ROBO1: variants seen among roughly 807,000 people sequenced by gnomAD.
ROBO1 encodes the protein roundabout guidance receptor 1, also known as roundabout homolog 1.
A neutral mutation model predicts 195.9 loss-of-function variants in ROBO1; 149 were observed. The observed-to-expected ratio is 0.76, with a 90% CI of 0.67 to 0.87. The LOEUF is 0.87. ROBO1 is among the 40% of genes least tolerant of loss of function. The pLI is 0.00. For synonymous variants in ROBO1, 816 were observed against 733.2 expected (o/e 1.11, Z -1.82); for missense variants, 1,933 against 2,068.3 (o/e 0.93, Z 1.27).
intron 2 of ROBO1, among the ~76,000 whole-genome samples, chr3:79,583,399 T>A (rs1943720414): frequency 6.6e-6 from 1 of 151,946 alleles, no homozygotes; most frequent in African/African-American, 2.4e-5. Context: ...TATCTACAAA[T>A]TATGATTTTT....
chr3:79,138,842 A>C, intron 2 of ROBO1, among the ~76,000 whole-genome samples: 1 of 152,046 alleles, frequency 6.6e-6, no homozygotes, highest in Middle Eastern at 3.4e-3. Context: ...AGACATAAAT[A>C]TAAGTATAGA....
chr3:79,416,362 T>G (rs565786150), intron 2 of ROBO1, among the ~76,000 whole-genome samples: 2 of 151,658 alleles, frequency 1.3e-5, no homozygotes, highest in South Asian at 4.2e-4. Flanking sequence ...TCCTGGCACT[T>G]TGAGGCTGAG....
intron 19 of ROBO1, among the ~76,000 whole-genome samples, chr3:78,649,665 C>CT (rs1706527208): frequency 6.6e-6 from 1 of 151,876 alleles, no homozygotes; most frequent in Non-Finnish European, 1.5e-5. Flanking sequence ...TAAAAATTGC[C>CT]TAGAAACAAA....
At chr3:79,726,725 G>A (rs949970879) in intron 1 of ROBO1, among the ~76,000 whole-genome samples, 1 of 152,076 alleles carries the variant, frequency 6.6e-6, no homozygotes, top group Non-Finnish European at 1.5e-5. Context: ...AAATACATTT[G>A]TACCTATATT....
intron 3 of ROBO1, among the ~76,000 whole-genome samples, chr3:79,026,625 T>C (rs1388156643): frequency 2.0e-5 from 3 of 152,054 alleles, no homozygotes; most frequent in Non-Finnish European, 4.4e-5. Context: ...TGAAGGATAT[T>C]GGGAAACATA....
At chr3:79,624,005 G>A (rs2107991360) in intron 1 of ROBO1, among the ~76,000 whole-genome samples, 1 of 152,258 alleles carries the variant, frequency 6.6e-6, no homozygotes, top group African/African-American at 2.4e-5. Flanking sequence ...AGTCTCAATG[G>A]AAATTCTACA....
chr3:79,199,381 A>AT (rs2108774972), intron 2 of ROBO1, among the ~76,000 whole-genome samples: 1 of 151,926 alleles, frequency 6.6e-6, no homozygotes, highest in African/African-American at 2.4e-5. Context: ...ACCATCTGTA[A>AT]TTTTTAATCA....
chr3:79,153,971 G>A (rs1266010728), intron 2 of ROBO1, among the ~76,000 whole-genome samples: 4 of 151,446 alleles, frequency 2.6e-5, no homozygotes, highest in Middle Eastern at 3.2e-3. Flanking sequence ...TGAGGCTGTC[G>A]CTAAATACCC....
At chr3:79,704,126 A>T (rs1947698470) in intron 1 of ROBO1, among the ~76,000 whole-genome samples, 1 of 151,958 alleles carries the variant, frequency 6.6e-6, no homozygotes, top group African/African-American at 2.4e-5. Context: ...GATATCTCCT[A>T]TACCCACTGT....
At chr3:79,043,525 A>G (rs939627256) in intron 3 of ROBO1, among the ~76,000 whole-genome samples, 1 of 152,078 alleles carries the variant, frequency 6.6e-6, no homozygotes, top group Admixed American at 6.6e-5. Flanking sequence ...GGACTACTAG[A>G]TATATAGAAT....
intron 3 of ROBO1, among the ~76,000 whole-genome samples, chr3:78,972,121 A>C (rs148896296): frequency 6.6e-6 from 1 of 152,208 alleles, no homozygotes; most frequent in African/African-American, 2.4e-5. Context: ...ATAAATAGTC[A>C]TAACAAGGAA....
At chr3:79,347,806 A>G (rs2035182281) in intron 2 of ROBO1, among the ~76,000 whole-genome samples, 1 of 152,192 alleles carries the variant, frequency 6.6e-6, no homozygotes, top group Non-Finnish European at 1.5e-5. Flanking sequence ...TTAAAAGAAG[A>G]AAAATAGCTT....
chr3:78,636,774 T>C (rs1328283864), intron 22 of ROBO1, among the ~76,000 whole-genome samples: 1 of 151,260 alleles, frequency 6.6e-6, no homozygotes, highest in Non-Finnish European at 1.5e-5. Flanking sequence ...ATGACAATAA[T>C]AATAATAACA....
chr3:79,676,365 G>T (rs765207067), intron 1 of ROBO1, among the ~76,000 whole-genome samples: 1 of 152,012 alleles, frequency 6.6e-6, no homozygotes, highest in Non-Finnish European at 1.5e-5. Flanking sequence ...CACAGTCTTC[G>T]TGGGTCAGGA....
At chr3:79,023,757 C>A (rs1305781325) in intron 3 of ROBO1, among the ~76,000 whole-genome samples, 1 of 118,506 alleles carries the variant, frequency 8.4e-6, no homozygotes, top group East Asian at 2.9e-4. Flanking sequence ...CGCTTGAGTG[C>A]AGTGGTGCGA....
chr3:79,407,351 T>A (rs1249310299), intron 2 of ROBO1, among the ~76,000 whole-genome samples: 1 of 152,214 alleles, frequency 6.6e-6, no homozygotes, highest in African/African-American at 2.4e-5. Context: ...TATGAAAGAA[T>A]ACCAGAAACC....
chr3:79,251,958 C>G (rs2082737443), intron 2 of ROBO1, among the ~76,000 whole-genome samples: 2 of 151,010 alleles, frequency 1.3e-5, no homozygotes, highest in Admixed American at 6.6e-5. Flanking sequence ...TCAAAGAAAC[C>G]AGAAAACTTA....
intron 2 of ROBO1, among the ~76,000 whole-genome samples, chr3:79,145,469 T>C (rs2080629563): frequency 6.6e-6 from 1 of 151,822 alleles, no homozygotes; most frequent in African/African-American, 2.4e-5. Context: ...GTGAAAACTA[T>C]AAAGAACATA....
chr3:79,116,926 T>C (rs1265329422), intron 3 of ROBO1, among the ~76,000 whole-genome samples: 1 of 152,222 alleles, frequency 6.6e-6, no homozygotes, highest in Non-Finnish European at 1.5e-5. Flanking sequence ...ATTGTTGCAT[T>C]ACTATTTTTA....
Sources: allele counts gnomAD v4.1 joint callset (sites outside exome capture counted in the v4.1 genomes callset), GRCh38; gene constraint gnomAD v4.1.1; transcripts MANE v1.5; gene names NCBI Gene and HGNC (gene_info 2026-07-23, HGNC 2026-07-21).